The following DAP3 variants were observed in gnomAD, a reference collection of about 807,000 sequenced individuals.
DAP3 encodes death associated protein 3.
DAP3 carries 28 observed loss-of-function variants against 51.9 expected under a neutral mutation model. The ratio of observed to expected loss-of-function variants is 0.54; its 90% CI spans 0.40 to 0.74. DAP3 has a LOEUF of 0.74. DAP3 is among the 30% of genes least tolerant of loss of function. DAP3 has a pLI of 0.00. For missense variants in DAP3, 458 were observed against 483.5 expected (o/e 0.95, Z 0.49); for synonymous variants, 170 against 170.3 (o/e 1.00, Z 0.01).
intron 6 of DAP3, 51 bp downstream of exon 6, chr1:155,726,070 A>G: frequency 6.9e-7 from 1 of 1,439,114 alleles, no homozygotes; most frequent in Non-Finnish European, 9.7e-7. Context: ...TTATCCTGTT[A>G]CTGTGGTAGC....
intron 1 of DAP3, among the ~76,000 whole-genome samples, chr1:155,708,776 C>G (rs2149143097): frequency 6.7e-6 from 1 of 150,278 alleles, no homozygotes; most frequent in South Asian, 2.1e-4. Flanking sequence ...ATGATCTCAG[C>G]TCACTGTAAG....
At chr1:155,700,023 A>G (rs955101030) in intron 1 of DAP3, among the ~76,000 whole-genome samples, 1 of 151,982 alleles carries the variant, frequency 6.6e-6, no homozygotes. Flanking sequence ...TGCAGCCTCC[A>G]CCTCCTGGGT....
intron 10 of DAP3, among the ~76,000 whole-genome samples, chr1:155,731,688 G>A (rs1218338502): frequency 6.6e-6 from 1 of 152,046 alleles, no homozygotes; most frequent in Non-Finnish European, 1.5e-5. Flanking sequence ...GACATTTAAA[G>A]TGTTTTTGTA....
intron 1 of DAP3, among the ~76,000 whole-genome samples, chr1:155,706,680 T>C (rs1427907036): frequency 6.6e-6 from 1 of 151,882 alleles, no homozygotes; most frequent in Non-Finnish European, 1.5e-5. Flanking sequence ...GGCAGGAGAA[T>C]CGCTTGAGCC....
At chr1:155,720,392 C>G (rs1226807173) in intron 3 of DAP3, among the ~76,000 whole-genome samples, 1 of 148,830 alleles carries the variant, frequency 6.7e-6, no homozygotes, top group Non-Finnish European at 1.5e-5. Flanking sequence ...CCTGTAATCC[C>G]AGCACTTTGG....
chr1:155,699,384 G>C (rs1654908438), intron 1 of DAP3, among the ~76,000 whole-genome samples: 1 of 152,150 alleles, frequency 6.6e-6, no homozygotes, highest in South Asian at 2.1e-4. Flanking sequence ...TAAGAGAGCA[G>C]GTTGTGCTCA....
At chr1:155,726,109 TTTTC>T (rs1658549039) in intron 6 of DAP3, 90 bp downstream of exon 6, 12 of 1,114,754 alleles carry the variant, frequency 1.1e-5, no homozygotes, top group Admixed American at 2.8e-5. Flanking sequence ...TTTTCTTTTC[TTTTC>T]TTTTTTTTTT....
chr1:155,701,391 G>A (rs530534042), intron 1 of DAP3, among the ~76,000 whole-genome samples: 4,514 of 107,452 alleles, frequency 0.042, 268 homozygotes, highest in African/African-American at 0.2. Context: ...TCAACCCTGT[G>A]CTCTCTGAAA....
intron 1 of DAP3, among the ~76,000 whole-genome samples, chr1:155,700,673 C>T (rs1309708183): frequency 1.4e-5 from 2 of 140,098 alleles, no homozygotes; most frequent in Admixed American, 6.9e-5. Flanking sequence ...CCCGGCCAGC[C>T]ACCCCGTCCG....
chr1:155,689,825 T>C (rs1406249476), intron 1 of DAP3, among the ~76,000 whole-genome samples: 1 of 151,982 alleles, frequency 6.6e-6, no homozygotes, highest in Non-Finnish European at 1.5e-5. Context: ...GGCAGGAGAA[T>C]TGCTTGAACC....
intron 1 of DAP3, among the ~76,000 whole-genome samples, chr1:155,699,416 A>G (rs1157426441): frequency 2.0e-5 from 3 of 152,186 alleles, no homozygotes; most frequent in Non-Finnish European, 2.9e-5. Context: ...CATAATGGTG[A>G]TCAGAAGACT....
Position 155,717,111 on chromosome 1 carries a change from A to C in DAP3, c.151A>C (p.Thr51Pro), listed in dbSNP as rs773565559. ...PVESPRAISR[T>P]NENDPAKHGD... ...TGAGAGTCCGAGAGCTATTTCCCGCACCAATGAGAATGACCCGGTGAGTTA... is the reference window on the plus strand; with the variant it reads ...TGAGAGTCCGAGAGCTATTTCCCGCCCCAATGAGAATGACCCGGTGAGTTA... Residue 51 changes from threonine to proline, a missense_variant, in exon 3 of 13, where the codon ACC (threonine) becomes CCC (proline). Thr to Pro is a conservative substitution (Grantham distance 38). Coordinates refer to ENST00000368336, the MANE Select transcript of DAP3 (RefSeq NM_004632.4). 1.2e-6 allele frequency: 2 copies of C among 1,614,054 alleles called. No individual in the cohort carries two copies. The highest frequency in any genetic ancestry group is 4.5e-5 in the East Asian group (2 of 44,884).
upstream of DAP3, chr1:155,688,489 C>T (rs993043963): frequency 1.3e-6 from 2 of 1,549,364 alleles, no homozygotes; most frequent in Admixed American, 3.9e-5. Flanking sequence ...AGCCCGCACG[C>T]GTACGAGTGT....
intron 11 of DAP3, 195 bp from the exon 12 acceptor site, chr1:155,736,751 A>G: frequency 1.7e-6 from 1 of 585,258 alleles, no homozygotes; most frequent in Non-Finnish European, 3.0e-6. Flanking sequence ...GTGGCCACGT[A>G]GAGCACGAGT....
chr1:155,714,406 C>T (rs900864162), intron 2 of DAP3, among the ~76,000 whole-genome samples: 1 of 151,984 alleles, frequency 6.6e-6, no homozygotes, highest in Non-Finnish European at 1.5e-5. Flanking sequence ...AACCTATTTT[C>T]GGGAAGGTTA....
At chr1:155,736,061 G>C (rs1659753398) in intron 11 of DAP3, among the ~76,000 whole-genome samples, 1 of 151,160 alleles carries the variant, frequency 6.6e-6, no homozygotes, top group Non-Finnish European at 1.5e-5. Flanking sequence ...GGCAGGTCTT[G>C]AACTCCTGAC....
At chr1:155,691,966 A>G (rs1653880163) in intron 1 of DAP3, among the ~76,000 whole-genome samples, 1 of 141,790 alleles carries the variant, frequency 7.1e-6, no homozygotes, top group Non-Finnish European at 1.5e-5. Flanking sequence ...CAAAAGGCCC[A>G]GAGTTCTGAT....
At chr1:155,705,161 C>G (rs1655794555) in intron 1 of DAP3, among the ~76,000 whole-genome samples, 1 of 151,702 alleles carries the variant, frequency 6.6e-6, no homozygotes, top group South Asian at 2.1e-4. Context: ...TGGCACGTGC[C>G]TGTAATTCCA....
At chr1:155,689,414 G>T (rs1403456467) in intron 1 of DAP3, 23 of 474,362 alleles carry the variant, frequency 4.8e-5, no homozygotes, top group Non-Finnish European at 8.4e-5. Flanking sequence ...GATGATGTTT[G>T]TTTGCCCTTG....
Sources: gnomAD v4.1 joint callset for allele counts (sites outside exome capture counted in the v4.1 genomes callset) on GRCh38, gnomAD v4.1.1 for gene constraint, MANE v1.5 for transcripts, NCBI Gene and HGNC (gene_info 2026-07-23, HGNC 2026-07-21) for gene names.